Variants in STON2 observed in about 807,000 individuals in gnomAD.
The protein encoded by STON2 is stonin 2, also known as stonin-2.
A neutral mutation model predicts 65.7 loss-of-function variants in STON2; 29 were observed. That is an observed-to-expected ratio of 0.44 (90% CI 0.33 to 0.60). The LOEUF is 0.60. Among genes scored for constraint, STON2 ranks in the 20% least tolerant of loss-of-function variants. The pLI is 0.03. For synonymous variants in STON2, 404 were observed against 414.2 expected (o/e 0.98, Z 0.30); for missense variants, 1,054 against 1,118.1 (o/e 0.94, Z 0.82).
Position 81,395,986 on chromosome 14 carries a change from T to A in STON2, c.281A>T (p.Asp94Val), listed in dbSNP as rs1218425082. The change falls in exon 3 of 8, where the codon GAC becomes GTC. Residue 94 changes from aspartate (D) to valine (V), a missense_variant. Physicochemically the swap from Asp to Val is radical, Grantham distance 152 (BLOSUM62 -3). Coordinates refer to ENST00000614646, the MANE Select transcript of STON2 (RefSeq NM_001394390.1). The part of the protein sequence containing the change: ...PPGSPEQPPP[D>V]LASAISNWVQ... ...CCAGTTGCTGATGGCCGAGGCCAGG[T>A]CAGGTGGGGGCTGCTCAGGGCTCCC... 6.2e-7 allele frequency: 1 copy of A among 1,613,906 alleles called. No homozygotes were observed. Among genetic ancestry groups the A allele is most frequent in the African/African-American group, 1.3e-5 (1 of 74,870 alleles).
chr14:81,339,386 C>T lies in STON2; in HGVS notation c.572-15199G>A, dbSNP rs1897503584. Among the ~76,000 whole-genome samples, 3 of 152,168 alleles carry T rather than the reference C, an allele frequency of 2.0e-5. No individual in the cohort carries two copies. In the South Asian group the frequency reaches 6.2e-4, roughly 32 times the overall value. On this transcript the variant is annotated intron_variant, in intron 4 of 7. Coordinates refer to ENST00000614646, the MANE Select transcript of STON2 (RefSeq NM_001394390.1). ...CGGGAGGGACACAGGCAGAGCTGTG[C>T]TGCTCTGGGATTAACCTGGCACGCA...
At chr14:81,386,613 G>A (rs919680226) in intron 3 of STON2, among the ~76,000 whole-genome samples, 2 of 152,166 alleles carry the variant, frequency 1.3e-5, no homozygotes, top group African/African-American at 4.8e-5. Flanking sequence ...TGGGACAAAA[G>A]TTCCGGAAAT....
intron 5 of STON2, among the ~76,000 whole-genome samples, chr14:81,309,830 C>A (rs1481744696): frequency 1.3e-5 from 2 of 152,128 alleles, no homozygotes; most frequent in African/African-American, 4.8e-5. Context: ...GAGACTGGGC[C>A]AAAGGTGGTG....
chr14:81,330,865 C>T (rs112211217), intron 4 of STON2, among the ~76,000 whole-genome samples: 8 of 152,332 alleles, frequency 5.3e-5, no homozygotes, highest in African/African-American at 1.9e-4. Context: ...AGACTTCTCT[C>T]TACCTTTCTG....
intron 6 of STON2, among the ~76,000 whole-genome samples, chr14:81,274,719 T>C (rs1894738564): frequency 6.6e-6 from 1 of 152,008 alleles, no homozygotes; most frequent in East Asian, 1.9e-4. Context: ...GCGGATCACC[T>C]GAGGTCAGGA....
chr14:81,325,405 G>C (rs1225475501), intron 4 of STON2, among the ~76,000 whole-genome samples: 1 of 151,590 alleles, frequency 6.6e-6, no homozygotes, highest in Non-Finnish European at 1.5e-5. Flanking sequence ...TCTGAATTTG[G>C]GAAACAGTAT....
chr14:81,431,044 T>G (rs1010378279), intron 1 of STON2, among the ~76,000 whole-genome samples: 1 of 152,058 alleles, frequency 6.6e-6, no homozygotes, highest in Non-Finnish European at 1.5e-5. Context: ...ATAGATCAAG[T>G]GAAGGCAGTA....
At chr14:81,372,829 T>C (rs114093094) in intron 3 of STON2, among the ~76,000 whole-genome samples, 2,910 of 152,020 alleles carry the variant, frequency 0.019, 111 homozygotes, top group African/African-American at 0.068. Context: ...CCAAAACAAA[T>C]AGAAAAAGAA....
chr14:81,393,777 A>G (rs967164166), intron 3 of STON2, among the ~76,000 whole-genome samples: 1 of 152,226 alleles, frequency 6.6e-6, no homozygotes, highest in Admixed American at 6.5e-5. Flanking sequence ...CCCTACATGC[A>G]TCAACACTTA....
intron 3 of STON2, among the ~76,000 whole-genome samples, chr14:81,391,793 A>G (rs1900091308): frequency 6.6e-6 from 1 of 152,098 alleles, no homozygotes; most frequent in African/African-American, 2.4e-5. Flanking sequence ...TTGCCTACAG[A>G]CTGGGCATCA....
chr14:81,291,700 GTTTAA>G (rs780712225), intron 5 of STON2, among the ~76,000 whole-genome samples: 26 of 151,044 alleles, frequency 1.7e-4, no homozygotes, highest in South Asian at 4.2e-4. Flanking sequence ...ATTAGTTTTA[GTTTAA>G]TTTATTATTC....
Position 81,268,409 on chromosome 14 carries a change from C to A in STON2, c.*5G>T. On this transcript the variant is annotated 3_prime_UTR_variant, in exon 8 of 8. Coordinates refer to ENST00000614646, the MANE Select transcript of STON2 (RefSeq NM_001394390.1). ...GGGATCAGGATTCCTTGCCGCAAGG[C>A]TTTGTCACTGCACTCCACACTCCTT... 7.8e-7 allele frequency: 1 copy of A among 1,289,548 alleles called. No homozygotes were observed. The highest frequency in any genetic ancestry group is 1.0e-6 in the Non-Finnish European group (1 of 988,690). The allele number at this position is 1,289,548 out of a possible 1,614,324, so 79.9% of individuals were successfully genotyped here.
At chr14:81,406,080 A>T (rs1900843885) in intron 2 of STON2, among the ~76,000 whole-genome samples, 1 of 152,166 alleles carries the variant, frequency 6.6e-6, no homozygotes, top group African/African-American at 2.4e-5. Flanking sequence ...GACTTACACC[A>T]GTGATTTGCC....
intron 4 of STON2, among the ~76,000 whole-genome samples, chr14:81,343,412 C>T (rs144173704): frequency 6.6e-6 from 1 of 152,090 alleles, no homozygotes; most frequent in Non-Finnish European, 1.5e-5. Flanking sequence ...ACAAGTAAAC[C>T]TGGCAGCATC....
intron 5 of STON2, among the ~76,000 whole-genome samples, chr14:81,309,008 TTA>T (rs1484738509): frequency 3.4e-4 from 52 of 150,760 alleles, no homozygotes; most frequent in Admixed American, 2.7e-3. Context: ...AGCAACTAGA[TTA>T]ACCTTTCCCT....
Position 81,278,659 on chromosome 14 carries a change from C to CA in STON2, c.822dup (p.Gly275TrpfsTer19), listed in dbSNP as rs1182525994. 2 of 1,552,464 alleles carry CA rather than the reference C, an allele frequency of 1.3e-6. No individual in the cohort carries two copies. Among genetic ancestry groups the CA allele is most frequent in the Non-Finnish European group, 1.7e-6 (2 of 1,149,410 alleles). ...GAGGTCACTGGAGGGGCAGGGTGCC[C>CA]ATTCATGGCTGGACTGCTGGCCTGC... On this transcript the variant is annotated frameshift_variant, in exon 6 of 8. Transcript: ENST00000614646. LOFTEE classifies it high-confidence loss of function.
intron 4 of STON2, among the ~76,000 whole-genome samples, chr14:81,345,772 A>T (rs1897787987): frequency 6.6e-6 from 1 of 152,096 alleles, no homozygotes. Flanking sequence ...AAAAAAAAAA[A>T]ATTCTGTTGT....
chr14:81,288,884 G>T (rs1046861564), intron 5 of STON2, among the ~76,000 whole-genome samples: 8 of 151,882 alleles, frequency 5.3e-5, no homozygotes, highest in Non-Finnish European at 1.0e-4. Flanking sequence ...CAGGGCTGGG[G>T]AGCCAGAAAA....
chr14:81,423,737 C>T (rs1402587540), intron 2 of STON2, among the ~76,000 whole-genome samples: 1 of 152,122 alleles, frequency 6.6e-6, no homozygotes, highest in Admixed American at 6.5e-5. Context: ...CACAGGGGCC[C>T]CTGGCTGATC....
Sources: gnomAD v4.1 joint callset for allele counts (sites outside exome capture counted in the v4.1 genomes callset) on GRCh38, gnomAD v4.1.1 for gene constraint, MANE v1.5 for transcripts, NCBI Gene and HGNC (gene_info 2026-07-23, HGNC 2026-07-21) for gene names.